ARHGAP18: variants seen among roughly 807,000 people sequenced by gnomAD.
ARHGAP18 encodes rho GTPase-activating protein 18.
ARHGAP18 carries 67 observed loss-of-function variants against 86.2 expected under a neutral mutation model. That is an observed-to-expected ratio of 0.78 (90% CI 0.64 to 0.95). ARHGAP18 has a LOEUF of 0.95. Ranked by LOEUF, ARHGAP18 falls within the 40% of genes least tolerant of loss-of-function variation. ARHGAP18 has a pLI of 0.00. For missense variants in ARHGAP18, 691 were observed against 780.4 expected (o/e 0.89, Z 1.37); for synonymous variants, 283 against 280.4 (o/e 1.01, Z -0.09).
At chr6:129,638,321 GA>G (rs1426078441) in intron 3 of ARHGAP18, 72 bp downstream of exon 3, 3 of 1,406,804 alleles carry the variant, frequency 2.1e-6, no homozygotes, top group Non-Finnish European at 3.0e-6. Context: ...TTAATCATTT[GA>G]ATTAAACCAG....
chr6:129,661,769 C>G (rs13209334), intron 1 of ARHGAP18: 2 of 616,586 alleles, frequency 3.2e-6, no homozygotes, highest in Non-Finnish European at 2.0e-6. Flanking sequence ...CTTGACAACA[C>G]CACAAATAAC....
At chr6:129,625,195 TATATATTTATATGTA>T (rs1215151956) in intron 5 of ARHGAP18, among the ~76,000 whole-genome samples, 1 of 92,422 alleles carries the variant, frequency 1.1e-5, no homozygotes, top group Non-Finnish European at 1.8e-5. Context: ...TTATATATGA[TATATATTTATATGTA>T]ATATATATGA....
At chr6:129,695,624 A>G (rs1409526951) in intron 1 of ARHGAP18, among the ~76,000 whole-genome samples, 1 of 152,166 alleles carries the variant, frequency 6.6e-6, no homozygotes, top group Admixed American at 6.5e-5. Context: ...AGGGGATGGG[A>G]AAATTAGTGA....
intron 1 of ARHGAP18, among the ~76,000 whole-genome samples, chr6:129,655,095 C>T (rs1056645392): frequency 2.0e-5 from 3 of 152,028 alleles, no homozygotes; most frequent in African/African-American, 7.2e-5. Flanking sequence ...CCAAGGCGGG[C>T]AGATCACCTG....
intron 4 of ARHGAP18, among the ~76,000 whole-genome samples, chr6:129,633,724 T>G (rs920346862): frequency 6.6e-6 from 1 of 152,102 alleles, no homozygotes; most frequent in African/African-American, 2.4e-5. Context: ...ATCTGTAAAA[T>G]GGGTTAAGAA....
intron 4 of ARHGAP18, among the ~76,000 whole-genome samples, chr6:129,633,552 A>C (rs1326159764): frequency 6.6e-6 from 1 of 152,198 alleles, no homozygotes; most frequent in Non-Finnish European, 1.5e-5. Flanking sequence ...TGCCCATAAA[A>C]ATCTTAACTA....
intron 1 of ARHGAP18, among the ~76,000 whole-genome samples, chr6:129,647,673 T>TAA (rs371133047): frequency 2.1e-5 from 3 of 143,952 alleles, no homozygotes; most frequent in South Asian, 4.5e-4. Flanking sequence ...TTTTAATGTG[T>TAA]AAAAAAAAAA....
chr6:129,634,448 G>C (rs947168535), intron 3 of ARHGAP18, among the ~76,000 whole-genome samples: 7 of 152,170 alleles, frequency 4.6e-5, no homozygotes, highest in Admixed American at 4.6e-4. Flanking sequence ...TAAGCAAAAT[G>C]TGGTCTATCT....
chr6:129,656,389 A>G (rs1584093993), intron 1 of ARHGAP18, among the ~76,000 whole-genome samples: 1 of 152,194 alleles, frequency 6.6e-6, no homozygotes, highest in Non-Finnish European at 1.5e-5. Flanking sequence ...CATGCCTGTA[A>G]TCCCAGCACT....
At chr6:129,614,695 G>A (rs1789056049) in intron 7 of ARHGAP18, among the ~76,000 whole-genome samples, 1 of 151,786 alleles carries the variant, frequency 6.6e-6, no homozygotes, top group Non-Finnish European at 1.5e-5. Flanking sequence ...ATTTGGCTAG[G>A]CCATAGCGCC....
At chr6:129,587,740 C>A (rs1788426040) in intron 12 of ARHGAP18, among the ~76,000 whole-genome samples, 1 of 152,172 alleles carries the variant, frequency 6.6e-6, no homozygotes, top group South Asian at 2.1e-4. Flanking sequence ...GTGCCTCCCA[C>A]AACACATGGG....
chr6:129,662,366 T>C (rs909597280), intron 1 of ARHGAP18, among the ~76,000 whole-genome samples: 7 of 152,258 alleles, frequency 4.6e-5, no homozygotes, highest in Admixed American at 4.6e-4. Flanking sequence ...AAATACTCAG[T>C]GTAAACACAC....
At chr6:129,689,553 A>G (rs1450455015) in intron 1 of ARHGAP18, among the ~76,000 whole-genome samples, 11 of 152,150 alleles carry the variant, frequency 7.2e-5, no homozygotes, top group African/African-American at 2.2e-4. Context: ...TCAGCCTCCC[A>G]AAGTGCTGAA....
At chr6:129,685,281 C>T (rs1012587318) in intron 1 of ARHGAP18, among the ~76,000 whole-genome samples, 10 of 151,972 alleles carry the variant, frequency 6.6e-5, no homozygotes, top group Admixed American at 1.3e-4. Flanking sequence ...CCGAGGTGGG[C>T]GGATCAATTG....
At chr6:129,611,004 C>T (rs1003419786) in intron 8 of ARHGAP18, among the ~76,000 whole-genome samples, 1 of 152,166 alleles carries the variant, frequency 6.6e-6, no homozygotes, top group Non-Finnish European at 1.5e-5. Flanking sequence ...TCAGGCAATC[C>T]TCTCCACTCA....
At chr6:129,589,965 G>A (rs1788477727) in intron 12 of ARHGAP18, among the ~76,000 whole-genome samples, 1 of 152,148 alleles carries the variant, frequency 6.6e-6, no homozygotes, top group South Asian at 2.1e-4. Flanking sequence ...GAAGAACTTG[G>A]AGTCCAATGT....
chr6:129,613,728 G>T (rs1789032411), intron 7 of ARHGAP18, among the ~76,000 whole-genome samples: 1 of 152,136 alleles, frequency 6.6e-6, no homozygotes, highest in East Asian at 1.9e-4. Flanking sequence ...AACATTTTTA[G>T]CTACATTATA....
At chr6:129,585,715 C>T (rs750044625) in intron 12 of ARHGAP18, among the ~76,000 whole-genome samples, 2 of 152,186 alleles carry the variant, frequency 1.3e-5, no homozygotes, top group Admixed American at 6.5e-5. Flanking sequence ...CCTTCCAGGG[C>T]CTTACACTCA....
intron 1 of ARHGAP18, among the ~76,000 whole-genome samples, chr6:129,660,276 C>T (rs990713922): frequency 1.4e-4 from 21 of 152,290 alleles, no homozygotes; most frequent in African/African-American, 5.1e-4. Flanking sequence ...GATGCTGTGG[C>T]GTAAACAGAT....
Sources: allele counts gnomAD v4.1 joint callset (sites outside exome capture counted in the v4.1 genomes callset), GRCh38; gene constraint gnomAD v4.1.1; transcripts MANE v1.5; gene names NCBI Gene and HGNC (gene_info 2026-07-23, HGNC 2026-07-21).